Variants in LMO7 observed in about 807,000 individuals in gnomAD.
The protein encoded by LMO7 is LIM domain 7.
Under a neutral mutation model 206.5 loss-of-function variants are expected in LMO7, and 120 were observed. The ratio of observed to expected loss-of-function variants is 0.58; its 90% CI spans 0.50 to 0.68. The LOEUF (loss-of-function observed/expected upper bound fraction) is 0.68, where lower values mean the gene tolerates loss of function less well. Among genes scored for constraint, LMO7 ranks in the 30% least tolerant of loss-of-function variants. The pLI is 0.00. For synonymous variants in LMO7, 706 were observed against 681.5 expected (o/e 1.04, Z -0.56); for missense variants, 1,959 against 1,957.9 (o/e 1.00, Z -0.01).
At chr13:75,853,418 C>G in intron 28 of LMO7, 30 bp downstream of exon 28, 2 of 1,523,740 alleles carry the variant, frequency 1.3e-6, no homozygotes, top group Non-Finnish European at 1.8e-6. Context: ...TCTTTCTTCT[C>G]TTAGTCTTGG....
Position 75,789,205 on chromosome 13 carries a change from A to G in LMO7, c.318-6196A>G, listed in dbSNP as rs1030298950. ...TTCCAGTGTGAGGTTTTTATCATAC[A>G]TGTTTCCCTGTATAATGATTCAGTC... On this transcript the variant is annotated intron_variant, in intron 4 of 30. Transcript: ENST00000377534. The G allele has an allele frequency of 3.9e-5, 6 of 152,272 alleles. No individual in the cohort carries two copies. In the East Asian group the frequency reaches 1.2e-3, roughly 29 times the overall value. 9.4% of individuals were successfully genotyped at this position (152,272 alleles called of 1,614,324 possible). A position where few individuals can be genotyped will look rare whatever the true frequency, so the allele number is the denominator to read the frequency against.
intron 1 of LMO7, among the ~76,000 whole-genome samples, chr13:75,700,066 C>T (rs966804829): frequency 5.3e-5 from 8 of 152,188 alleles, no homozygotes; most frequent in Non-Finnish European, 1.0e-4. Flanking sequence ...CTGTTCTGCC[C>T]GGCCCTGCAG....
rs1345344053 is a variant in LMO7, at chr13:75,819,291, AAT to A, written c.2065-100_2065-99del. ...GGCACCTTGGCATCCAGTTGGAGTG[AAT>A]AGTTTCAGTGATGTAATAAGATACT... On this transcript the variant is annotated intron_variant, in intron 12 of 30. Transcript: ENST00000377534. The A allele has an allele frequency of 3.7e-6, 5 of 1,350,922 alleles. No homozygotes were observed. In the African/African-American group the frequency reaches 7.4e-5, roughly 20 times the overall value. 83.7% of individuals were successfully genotyped at this position (1,350,922 alleles called of 1,614,324 possible).
intron 1 of LMO7, among the ~76,000 whole-genome samples, chr13:75,696,870 A>G (rs982951371): frequency 7.2e-5 from 11 of 151,740 alleles, no homozygotes; most frequent in Non-Finnish European, 1.0e-4. Context: ...GGGGACTGCC[A>G]CTCTCCTGAG....
At chr13:75,743,961 T>G (rs1255955995) in intron 3 of LMO7, among the ~76,000 whole-genome samples, 2 of 152,206 alleles carry the variant, frequency 1.3e-5, no homozygotes, top group Non-Finnish European at 2.9e-5. Flanking sequence ...GGATCACCAC[T>G]TGTAATTTGA....
chr13:75,769,050 A>C (rs1042967789), intron 4 of LMO7, among the ~76,000 whole-genome samples: 2 of 152,128 alleles, frequency 1.3e-5, no homozygotes, highest in Non-Finnish European at 2.9e-5. Context: ...TGTACAATGA[A>C]ATGTCAAGAA....
chr13:75,826,599 G>A (rs1199987416), intron 15 of LMO7, among the ~76,000 whole-genome samples: 2 of 152,184 alleles, frequency 1.3e-5, no homozygotes, highest in Admixed American at 6.5e-5. Flanking sequence ...GCTGAAGTTA[G>A]TGTGCTTACT....
intron 1 of LMO7, among the ~76,000 whole-genome samples, chr13:75,678,571 C>T (rs983569148): frequency 1.3e-5 from 2 of 152,164 alleles, no homozygotes; most frequent in Non-Finnish European, 2.9e-5. Flanking sequence ...ACAGGATTTA[C>T]AGAGCAGGTG....
intron 18 of LMO7, among the ~76,000 whole-genome samples, chr13:75,836,094 G>T (rs1319428201): frequency 6.6e-6 from 1 of 151,998 alleles, no homozygotes; most frequent in Admixed American, 6.6e-5. Flanking sequence ...TGACTGTTTT[G>T]TGTACTCATA....
chr13:75,724,675 T>A (rs1255801523), intron 2 of LMO7, among the ~76,000 whole-genome samples: 2 of 152,184 alleles, frequency 1.3e-5, no homozygotes, highest in Admixed American at 1.3e-4. Context: ...TAAGACCCAT[T>A]GTTTTTCTCC....
intron 3 of LMO7, among the ~76,000 whole-genome samples, chr13:75,734,384 A>C (rs969428108): frequency 3.3e-5 from 5 of 152,234 alleles, no homozygotes; most frequent in Non-Finnish European, 7.3e-5. Context: ...TGTTAAGTCA[A>C]CTTCAGAAAA....
intron 11 of LMO7, among the ~76,000 whole-genome samples, chr13:75,813,095 G>A (rs1167945395): frequency 4.6e-5 from 7 of 152,210 alleles, no homozygotes; most frequent in South Asian, 4.1e-4. Flanking sequence ...GATAATTCAC[G>A]TAGACTGCTT....
At chr13:75,794,664 G>A (rs1202790983) in intron 4 of LMO7, among the ~76,000 whole-genome samples, 1 of 152,160 alleles carries the variant, frequency 6.6e-6, no homozygotes, top group Non-Finnish European at 1.5e-5. Flanking sequence ...ATGAGGGGAA[G>A]TGCTTTCTTT....
chr13:75,744,248 C>T (rs565284437), intron 3 of LMO7, among the ~76,000 whole-genome samples: 2 of 152,294 alleles, frequency 1.3e-5, no homozygotes, highest in African/African-American at 4.8e-5. Context: ...GTTTCCAATA[C>T]CCTCATGACG....
At chr13:75,752,756 G>T (rs148585313) in intron 3 of LMO7, among the ~76,000 whole-genome samples, 1 of 152,216 alleles carries the variant, frequency 6.6e-6, no homozygotes, top group South Asian at 2.1e-4. Flanking sequence ...TAGTGCAAAA[G>T]ACATGATTTC....
chr13:75,718,382 C>T (rs965944138), intron 2 of LMO7, among the ~76,000 whole-genome samples: 4 of 152,114 alleles, frequency 2.6e-5, no homozygotes, highest in Non-Finnish European at 2.9e-5. Flanking sequence ...CCTGAGGGAT[C>T]GAGAGGAATT....
At chr13:75,803,289 AG>A (rs1243123918) in intron 7 of LMO7, among the ~76,000 whole-genome samples, 1 of 152,098 alleles carries the variant, frequency 6.6e-6, no homozygotes, top group Non-Finnish European at 1.5e-5. Flanking sequence ...GGCAGGAGGG[AG>A]GGGAAGAGAC....
intron 3 of LMO7, among the ~76,000 whole-genome samples, chr13:75,737,856 A>AAC (rs1412712098): frequency 6.8e-6 from 1 of 146,118 alleles, no homozygotes; most frequent in Non-Finnish European, 1.5e-5. Context: ...AAAAAAAAAA[A>AAC]AAAAAAAACA....
At chr13:75,773,948 T>C (rs1278706599) in intron 4 of LMO7, among the ~76,000 whole-genome samples, 17 of 152,072 alleles carry the variant, frequency 1.1e-4, no homozygotes, top group Non-Finnish European at 2.5e-4. Context: ...TTTGTTTTGT[T>C]TTTTGCCTAT....
Sources: gnomAD v4.1 joint callset for allele counts (sites outside exome capture counted in the v4.1 genomes callset) on GRCh38, gnomAD v4.1.1 for gene constraint, MANE v1.5 for transcripts, NCBI Gene and HGNC (gene_info 2026-07-23, HGNC 2026-07-21) for gene names.